MYO3B: variants seen among roughly 807,000 people sequenced by gnomAD.
MYO3B encodes the protein myosin IIIB.
MYO3B carries 156 observed loss-of-function variants against 174.6 expected under a neutral mutation model. The observed-to-expected ratio is 0.89, with a 90% CI of 0.78 to 1.02. MYO3B has a LOEUF of 1.02. Ranked by LOEUF, MYO3B falls within the 50% of genes least tolerant of loss-of-function variation. MYO3B has a pLI of 0.00. For synonymous variants in MYO3B, 563 were observed against 569.1 expected, an observed-to-expected ratio of 0.99 and a Z score of 0.15; for missense variants, 1,632 against 1,639.4, an observed-to-expected ratio of 1.00 and a Z score of 0.08.
chr2:170,471,239 G>A (rs1317109579), intron 25 of MYO3B, among the ~76,000 whole-genome samples: 2 of 151,810 alleles, frequency 1.3e-5, no homozygotes, highest in Non-Finnish European at 2.9e-5. Flanking sequence ...TAATAGAGAT[G>A]GGGTTTCACC....
intron 7 of MYO3B, among the ~76,000 whole-genome samples, chr2:170,266,088 G>A (rs1031284021): frequency 6.6e-6 from 1 of 151,984 alleles, no homozygotes; most frequent in African/African-American, 2.4e-5. Context: ...AGAATACTCA[G>A]GATGGGTAAT....
rs761574636 is a variant in MYO3B at position 170,499,637 on chromosome 2, T to C, written c.3127-9T>C. 1 of 1,613,610 alleles carries C rather than the reference T, an allele frequency of 6.2e-7. No homozygotes were observed. The highest frequency in any genetic ancestry group is 1.3e-5 in the African/African-American group (1 of 74,930). On this transcript the variant is annotated splice_polypyrimidine_tract_variant and intron_variant, in intron 26 of 34. Transcript: ENST00000408978. Reference sequence around the variant, plus strand: ...CATATGTAATGCTAAAACTACTGTCTCGTTTCAGGTTTTTCTCAAATATTA... The same window carrying C: ...CATATGTAATGCTAAAACTACTGTCCCGTTTCAGGTTTTTCTCAAATATTA...
intron 22 of MYO3B, among the ~76,000 whole-genome samples, chr2:170,414,103 A>C (rs72876353): frequency 0.12 from 19,018 of 152,196 alleles, 1,376 homozygotes; most frequent in East Asian, 0.29. Context: ...CCATTGTCAA[A>C]AATCAATTGG....
Position 170,335,386 on chromosome 2 carries a change from A to G in MYO3B, c.751A>G (p.Asn251Asp), listed in dbSNP as rs1360913490. The G allele has an allele frequency of 6.2e-7, 1 of 1,606,074 alleles. No homozygotes were observed. Among genetic ancestry groups the G allele is most frequent in the Admixed American group, 1.7e-5 (1 of 58,752 alleles). The change falls in exon 8 of 35, where the codon AAT becomes GAT. Residue 251 changes from asparagine (N) to aspartate (D), a missense_variant and splice_region_variant. Coordinates refer to ENST00000408978, the MANE Select transcript of MYO3B (RefSeq NM_138995.5). The stretch of plus-strand genomic sequence containing the variant: ...AAAAAATTGCTGTTATTTTTTCAGA[A>G]ATCCTCCACCTACTTTACTTCATCC... ...PVKTLFKIPR[N>D]PPPTLLHPEK...
At chr2:170,581,639 T>C (rs1693155718) in intron 32 of MYO3B, among the ~76,000 whole-genome samples, 1 of 152,148 alleles carries the variant, frequency 6.6e-6, no homozygotes, top group African/African-American at 2.4e-5. Context: ...ATATGATATA[T>C]GGGATGAACT....
intron 32 of MYO3B, among the ~76,000 whole-genome samples, chr2:170,646,228 G>A (rs1480181228): frequency 3.3e-5 from 5 of 149,574 alleles, no homozygotes; most frequent in South Asian, 2.1e-4. Context: ...CCGAGATCAC[G>A]CCATCGCACT....
intron 25 of MYO3B, among the ~76,000 whole-genome samples, chr2:170,480,564 A>G (rs1667646008): frequency 6.6e-6 from 1 of 152,220 alleles, no homozygotes; most frequent in South Asian, 2.1e-4. Context: ...AGAGGGTGTC[A>G]TGGGAACCCC....
intron 32 of MYO3B, among the ~76,000 whole-genome samples, chr2:170,632,646 A>G (rs964633939): frequency 7.2e-5 from 11 of 152,336 alleles, no homozygotes; most frequent in Admixed American, 5.2e-4. Context: ...GGAGAACTGA[A>G]AGAGATAGAG....
At chr2:170,383,680 G>A (rs1396546669) in intron 11 of MYO3B, 30 bp from the exon 12 acceptor site, 1 of 1,541,930 alleles carries the variant, frequency 6.5e-7, no homozygotes, top group South Asian at 1.1e-5. Flanking sequence ...TGGTCCAGGG[G>A]AGAGTTTCCT....
chr2:170,485,951 A>C (rs1158680936), intron 25 of MYO3B, among the ~76,000 whole-genome samples: 1 of 152,178 alleles, frequency 6.6e-6, no homozygotes, highest in Non-Finnish European at 1.5e-5. Context: ...GGCTAGCTAA[A>C]ATGCAGATTG....
intron 22 of MYO3B, among the ~76,000 whole-genome samples, chr2:170,416,012 C>A (rs1184273210): frequency 6.6e-6 from 1 of 152,120 alleles, no homozygotes; most frequent in Non-Finnish European, 1.5e-5. Context: ...CAGAGATAGT[C>A]CACTTAAAAT....
intron 6 of MYO3B, among the ~76,000 whole-genome samples, chr2:170,229,466 C>A (rs868560029): frequency 6.6e-6 from 1 of 152,164 alleles, no homozygotes; most frequent in African/African-American, 2.4e-5. Flanking sequence ...GGTGAGAAAT[C>A]AGAACATAGA....
At position 170,463,362 on chromosome 2, in the gene MYO3B, T is replaced by C. The variant is rs369969213; in HGVS notation, c.2731-6T>C. 1 of 1,612,222 alleles carries C rather than the reference T, an allele frequency of 6.2e-7. No individual in the cohort carries two copies. The highest frequency in any genetic ancestry group is 8.5e-7 in the Non-Finnish European group (1 of 1,179,000). On this transcript the variant is annotated splice_region_variant and splice_polypyrimidine_tract_variant and intron_variant, in intron 23 of 34. Coordinates refer to ENST00000408978, the MANE Select transcript of MYO3B (RefSeq NM_138995.5). Reference sequence around the variant, plus strand: ...TCAAACCACTTGCCTCCACCTATGCTTCCAGGTGGACACTCTGGAGGTGAT... The same window carrying C: ...TCAAACCACTTGCCTCCACCTATGCCTCCAGGTGGACACTCTGGAGGTGAT...
At chr2:170,532,130 GAGA>G (rs1689392678) in intron 30 of MYO3B, among the ~76,000 whole-genome samples, 2 of 152,202 alleles carry the variant, frequency 1.3e-5, no homozygotes, top group African/African-American at 2.4e-5. Context: ...ATGATGTATT[GAGA>G]AGAAGACAAC....
At chr2:170,566,367 C>T (rs1182044538) in intron 32 of MYO3B, among the ~76,000 whole-genome samples, 3 of 152,126 alleles carry the variant, frequency 2.0e-5, no homozygotes, top group Admixed American at 1.3e-4. Context: ...TATGGCATTG[C>T]ATAATCATTT....
At chr2:170,185,526 A>G (rs1442268599) in intron 1 of MYO3B, among the ~76,000 whole-genome samples, 2 of 152,150 alleles carry the variant, frequency 1.3e-5, no homozygotes, top group African/African-American at 4.8e-5. Context: ...TGCCAGTGCC[A>G]TGCTGTTTTG....
intron 9 of MYO3B, among the ~76,000 whole-genome samples, chr2:170,371,919 A>G (rs1048228759): frequency 1.3e-5 from 2 of 151,330 alleles, no homozygotes; most frequent in Non-Finnish European, 2.9e-5. Context: ...GCTGGTCACT[A>G]TAGCAAGACC....
chr2:170,355,463 A>T (rs1042433714), intron 8 of MYO3B, among the ~76,000 whole-genome samples: 1 of 152,256 alleles, frequency 6.6e-6, no homozygotes, highest in African/African-American at 2.4e-5. Flanking sequence ...GCTCTAGGTC[A>T]TTATCCTGCC....
chr2:170,375,341 G>T lies in MYO3B; in HGVS notation c.971+5964G>T, dbSNP rs141349154. The stretch of plus-strand genomic sequence containing the variant: ...GTGAGTGGAGGCAGGGAAAGGACTC[G>T]ATTGTCTCTGCCACGACCATGAACT... On this transcript the variant is annotated intron_variant, in intron 9 of 34. Coordinates refer to ENST00000408978, the MANE Select transcript of MYO3B (RefSeq NM_138995.5). 5.0e-3 allele frequency among the ~76,000 whole-genome samples: 766 copies of T among 152,238 alleles called. 11 individuals are homozygous for T. Among genetic ancestry groups the T allele is most frequent in the South Asian group, 0.041 (197 of 4,814 alleles).
Sources: allele counts gnomAD v4.1 joint callset (sites outside exome capture counted in the v4.1 genomes callset), GRCh38; gene constraint gnomAD v4.1.1; transcripts MANE v1.5; gene names NCBI Gene and HGNC (gene_info 2026-07-23, HGNC 2026-07-21).